ANAPC10: variants seen among roughly 807,000 people sequenced by gnomAD.
The protein encoded by ANAPC10 is anaphase-promoting complex subunit 10.
A neutral mutation model predicts 22.0 loss-of-function variants in ANAPC10; 12 were observed. That is an observed-to-expected ratio of 0.55 (90% confidence interval 0.35 to 0.88). The LOEUF (loss-of-function observed/expected upper bound fraction) is 0.88. Ranked by LOEUF, ANAPC10 falls within the 40% of genes least tolerant of loss-of-function variation. The pLI, the probability that ANAPC10 is intolerant of heterozygous loss-of-function variation, is 0.01. For synonymous variants in ANAPC10, 65 were observed against 69.5 expected, an observed-to-expected ratio of 0.94 and a Z score of 0.32; for missense variants, 188 against 220.9, an observed-to-expected ratio of 0.85 and a Z score of 0.94.
intron 4 of ANAPC10, among the ~76,000 whole-genome samples, chr4:145,009,994 C>G (rs1734040685): frequency 6.6e-6 from 1 of 152,072 alleles, no homozygotes; most frequent in Admixed American, 6.5e-5. Flanking sequence ...CAAACAAACC[C>G]ATCAAAAAGT....
At chr4:145,029,229 C>T (rs1004403047) in intron 4 of ANAPC10, among the ~76,000 whole-genome samples, 2 of 152,054 alleles carry the variant, frequency 1.3e-5, no homozygotes, top group Non-Finnish European at 2.9e-5. Flanking sequence ...ATCCCCTCCC[C>T]GACCCACACT....
intron 4 of ANAPC10, among the ~76,000 whole-genome samples, chr4:145,004,019 A>AT (rs1327905866): frequency 4.0e-5 from 6 of 150,258 alleles, no homozygotes; most frequent in South Asian, 4.2e-4. Flanking sequence ...ATTTTATTTT[A>AT]TTTTTTTTGA....
intron 4 of ANAPC10, among the ~76,000 whole-genome samples, chr4:145,018,002 T>A (rs1034106908): frequency 2.7e-5 from 4 of 149,520 alleles, no homozygotes; most frequent in Admixed American, 2.0e-4. Flanking sequence ...TAGCATTAGG[T>A]GGTATACCTA....
chr4:145,043,776 C>T (rs1183629326), intron 4 of ANAPC10, among the ~76,000 whole-genome samples: 1 of 152,086 alleles, frequency 6.6e-6, no homozygotes, highest in African/African-American at 2.4e-5. Context: ...CTGATATCTG[C>T]TGCATAATTT....
chr4:145,024,096 A>C (rs1470321064), intron 4 of ANAPC10, among the ~76,000 whole-genome samples: 3 of 152,206 alleles, frequency 2.0e-5, no homozygotes, highest in Admixed American at 2.0e-4. Flanking sequence ...AATAAGATGC[A>C]ACTCCTCATC....
At chr4:145,088,423 T>C (rs948050687) in intron 2 of ANAPC10, among the ~76,000 whole-genome samples, 6 of 152,172 alleles carry the variant, frequency 3.9e-5, no homozygotes, top group Admixed American at 2.0e-4. Flanking sequence ...AATTAACATA[T>C]ATAAATTAAA....
At chr4:145,085,019 T>C (rs1334258179) in intron 2 of ANAPC10, among the ~76,000 whole-genome samples, 1 of 152,208 alleles carries the variant, frequency 6.6e-6, no homozygotes, top group Non-Finnish European at 1.5e-5. Context: ...TTACACAATA[T>C]TGCTAAAGCT....
intron 4 of ANAPC10, among the ~76,000 whole-genome samples, chr4:145,062,029 C>T (rs1378508748): frequency 6.6e-6 from 1 of 150,610 alleles, no homozygotes; most frequent in African/African-American, 2.4e-5. Context: ...GGCCATTGCA[C>T]TCCAGCCTGG....
chr4:145,050,933 G>A (rs769706930), intron 4 of ANAPC10, among the ~76,000 whole-genome samples: 27 of 152,152 alleles, frequency 1.8e-4, no homozygotes, highest in Admixed American at 1.3e-4. Context: ...TTATTCATGT[G>A]TTCACTAGAG....
intron 2 of ANAPC10, among the ~76,000 whole-genome samples, chr4:145,085,098 A>T (rs1417390011): frequency 6.6e-6 from 1 of 152,146 alleles, no homozygotes; most frequent in East Asian, 1.9e-4. Context: ...CAACATAGTG[A>T]GACACTGTCT....
intron 4 of ANAPC10, among the ~76,000 whole-genome samples, chr4:144,997,237 A>T (rs553386331): frequency 6.6e-6 from 1 of 152,136 alleles, no homozygotes; most frequent in Non-Finnish European, 1.5e-5. Context: ...AATACAGAGA[A>T]CACCACAAAG....
At chr4:145,081,243 A>G (rs79637719) in intron 3 of ANAPC10, among the ~76,000 whole-genome samples, 16 of 151,752 alleles carry the variant, frequency 1.1e-4, no homozygotes, top group Admixed American at 5.2e-4. Context: ...AAAAAAAAAA[A>G]TTTTCCAAAT....
At chr4:145,061,155 T>C (rs990573433) in intron 4 of ANAPC10, among the ~76,000 whole-genome samples, 6 of 152,120 alleles carry the variant, frequency 3.9e-5, no homozygotes, top group African/African-American at 1.4e-4. Context: ...AATAGAAATA[T>C]AAACACACTT....
chr4:145,085,403 T>C (rs554193148), intron 2 of ANAPC10, among the ~76,000 whole-genome samples: 1 of 152,266 alleles, frequency 6.6e-6, no homozygotes, highest in South Asian at 2.1e-4. Flanking sequence ...AGCTCCACAG[T>C]TTAATGTTCT....
intron 4 of ANAPC10, among the ~76,000 whole-genome samples, chr4:145,002,301 C>G (rs1732693667): frequency 6.6e-6 from 1 of 152,116 alleles, no homozygotes; most frequent in South Asian, 2.1e-4. Context: ...GCAGCTACCA[C>G]AAAAGCAGCT....
chr4:145,084,975 T>C (rs1579152545), intron 2 of ANAPC10, among the ~76,000 whole-genome samples: 1 of 152,258 alleles, frequency 6.6e-6, no homozygotes, highest in African/African-American at 2.4e-5. Flanking sequence ...ACATATTCTA[T>C]TGGACAGTCA....
chr4:145,039,917 C>T (rs1375832045), intron 4 of ANAPC10, among the ~76,000 whole-genome samples: 1 of 151,874 alleles, frequency 6.6e-6, no homozygotes, highest in Non-Finnish European at 1.5e-5. Flanking sequence ...TTAATCTTCA[C>T]TTTAGATACT....
chr4:145,086,967 C>G lies in ANAPC10; in HGVS notation c.116-5217G>C, dbSNP rs113384490. 1.2e-4 allele frequency among the ~76,000 whole-genome samples: 18 copies of G among 152,062 alleles called. 1 individual carries two copies. The highest frequency in any genetic ancestry group is 4.3e-4 in the African/African-American group (18 of 41,486). On this transcript the variant is annotated intron_variant, in intron 2 of 4. Coordinates refer to ENST00000507656, the MANE Select transcript of ANAPC10 (RefSeq NM_001256706.2). ...CATGGGAGGGATACGATTCTGCACT[C>G]CAGTCAATAACGGGGCTAAATCATG... is the stretch of plus-strand genomic sequence containing the variant.
At chr4:145,088,998 G>T (rs946960440) in intron 2 of ANAPC10, among the ~76,000 whole-genome samples, 1 of 152,106 alleles carries the variant, frequency 6.6e-6, no homozygotes, top group Admixed American at 6.5e-5. Context: ...TGTCAAGAAA[G>T]TTCTTCTCTG....
Sources: allele counts gnomAD v4.1 joint callset (sites outside exome capture counted in the v4.1 genomes callset), GRCh38; gene constraint gnomAD v4.1.1; transcripts MANE v1.5; gene names NCBI Gene and HGNC (gene_info 2026-07-23, HGNC 2026-07-21).